Variants in PDE10A observed in about 807,000 individuals in gnomAD.
PDE10A encodes phosphodiesterase 10A.
PDE10A carries 39 observed loss-of-function variants against 97.7 expected under a neutral mutation model. The observed-to-expected ratio is 0.40, with a 90% CI of 0.31 to 0.52. PDE10A has a LOEUF of 0.52. Among genes scored for constraint, PDE10A ranks in the 20% least tolerant of loss-of-function variants. The pLI, the probability that PDE10A is intolerant of heterozygous loss-of-function variation, is 0.56. For synonymous variants in PDE10A, 371 were observed against 376.8 expected, an observed-to-expected ratio of 0.98 and a Z score of 0.18; for missense variants, 731 against 1,047.8, an observed-to-expected ratio of 0.70 and a Z score of 4.17.
At chr6:165,337,392 A>G (rs2128176242) in intron 20 of PDE10A, among the ~76,000 whole-genome samples, 1 of 152,354 alleles carries the variant, frequency 6.6e-6, no homozygotes, top group South Asian at 2.1e-4. Flanking sequence ...ATCGAAGCAT[A>G]CAGAAGGATC....
chr6:165,548,276 CTTTTTTT>C (rs57134252), intron 1 of PDE10A, among the ~76,000 whole-genome samples: 4,273 of 105,582 alleles, frequency 0.04, 85 homozygotes, highest in Non-Finnish European at 0.048. Flanking sequence ...CTTTAAATCT[CTTTTTTT>C]TTTTTTTTTT....
At chr6:165,834,262 G>A (rs1780010041) in intron 1 of PDE10A, among the ~76,000 whole-genome samples, 1 of 152,188 alleles carries the variant, frequency 6.6e-6, no homozygotes. Context: ...CAGATGCTGG[G>A]TAGACTAACA....
chr6:165,568,002 T>TTTC (rs1784863366), intron 1 of PDE10A, among the ~76,000 whole-genome samples: 1 of 141,586 alleles, frequency 7.1e-6, no homozygotes, highest in East Asian at 2.1e-4. Context: ...GCATTTTTTT[T>TTTC]TTTTTTTTTT....
At chr6:165,885,355 A>AG (rs1781600269) in intron 1 of PDE10A, among the ~76,000 whole-genome samples, 1 of 152,174 alleles carries the variant, frequency 6.6e-6, no homozygotes, top group African/African-American at 2.4e-5. Context: ...AGAGAAGCAA[A>AG]GGAGAAGCGC....
intron 1 of PDE10A, among the ~76,000 whole-genome samples, chr6:165,857,151 G>A (rs968931175): frequency 6.6e-6 from 1 of 152,184 alleles, no homozygotes; most frequent in Non-Finnish European, 1.5e-5. Flanking sequence ...TTACCACCAA[G>A]AGAATGCTTA....
chr6:165,679,958 T>C (rs979678779), intron 1 of PDE10A, among the ~76,000 whole-genome samples: 1 of 152,018 alleles, frequency 6.6e-6, no homozygotes, highest in Non-Finnish European at 1.5e-5. Flanking sequence ...GTATTTGGGG[T>C]ACCTATGGTG....
Position 165,329,673 on chromosome 6 carries a change from GAAAA to G in PDE10A, c.*3348_*3351del, listed in dbSNP as rs1220134743. ...AAAATTAACTGAGATTTTACAAAATGAAAAAAAATCTAAAAAGCATGCCAAAAAA... is the reference window on the plus strand; with the variant it reads ...AAAATTAACTGAGATTTTACAAAATGAAAATCTAAAAAGCATGCCAAAAAA... On this transcript the variant is annotated 3_prime_UTR_variant, in exon 22 of 22. Coordinates refer to ENST00000539869, the MANE Select transcript of PDE10A (RefSeq NM_001385079.1). The G allele has an allele frequency of 1.3e-5, 2 of 151,650 alleles. No individual in the cohort carries two copies. The highest frequency in any genetic ancestry group is 2.9e-5 in the Non-Finnish European group (2 of 67,866). 9.4% of individuals were successfully genotyped at this position (151,650 alleles called of 1,614,324 possible).
chr6:165,773,524 C>A (rs1778074536), intron 1 of PDE10A, among the ~76,000 whole-genome samples: 1 of 152,108 alleles, frequency 6.6e-6, no homozygotes, highest in Non-Finnish European at 1.5e-5. Flanking sequence ...TTTCTTTCCA[C>A]AAAACAAATT....
chr6:165,465,276 A>G (rs1343685685), intron 3 of PDE10A, among the ~76,000 whole-genome samples: 3 of 152,234 alleles, frequency 2.0e-5, no homozygotes, highest in African/African-American at 7.2e-5. Flanking sequence ...ATAGGTGGAA[A>G]AGCTTGGGGG....
chr6:165,514,499 G>A (rs1292232113), intron 2 of PDE10A, among the ~76,000 whole-genome samples: 1 of 152,184 alleles, frequency 6.6e-6, no homozygotes, highest in Non-Finnish European at 1.5e-5. Context: ...CCCTTTCCAA[G>A]GAGTGACCAC....
intron 1 of PDE10A, among the ~76,000 whole-genome samples, chr6:165,839,832 G>T (rs12173728): frequency 7.7e-6 from 1 of 130,668 alleles, no homozygotes; most frequent in African/African-American, 2.8e-5. Context: ...CTCCAATCTC[G>T]TCTCCATTCT....
intron 1 of PDE10A, among the ~76,000 whole-genome samples, chr6:165,826,279 T>G (rs983050230): frequency 7.4e-6 from 1 of 134,530 alleles, no homozygotes. Flanking sequence ...TCTGACTCGA[T>G]GTCCCTCTGT....
At chr6:165,695,116 A>C (rs1025788096) in intron 1 of PDE10A, among the ~76,000 whole-genome samples, 1 of 152,080 alleles carries the variant, frequency 6.6e-6, no homozygotes, top group African/African-American at 2.4e-5. Flanking sequence ...AATATGCATA[A>C]TATTAACAGT....
chr6:165,552,460 A>G (rs1315163587), intron 1 of PDE10A, among the ~76,000 whole-genome samples: 1 of 152,218 alleles, frequency 6.6e-6, no homozygotes, highest in African/African-American at 2.4e-5. Flanking sequence ...ATATGGGTTC[A>G]TGCTGAACAC....
chr6:165,393,216 C>T (rs1309784353), intron 15 of PDE10A, among the ~76,000 whole-genome samples: 5 of 152,082 alleles, frequency 3.3e-5, no homozygotes, highest in Non-Finnish European at 7.4e-5. Context: ...TTCAGACTTG[C>T]AAACTGCAAA....
intron 1 of PDE10A, among the ~76,000 whole-genome samples, chr6:165,963,116 T>C (rs561346484): frequency 6.0e-4 from 92 of 152,304 alleles, no homozygotes; most frequent in Middle Eastern, 3.4e-3. Context: ...ACCTTTTCCA[T>C]CCTTTGAAAT....
At chr6:165,825,205 TG>T (rs1395284856) in intron 1 of PDE10A, among the ~76,000 whole-genome samples, 1 of 151,012 alleles carries the variant, frequency 6.6e-6, no homozygotes, top group Non-Finnish European at 1.5e-5. Flanking sequence ...TTAAAGGGTT[TG>T]GGGTGAGCTC....
intron 12 of PDE10A, among the ~76,000 whole-genome samples, chr6:165,415,733 G>T (rs1161285879): frequency 3.9e-5 from 6 of 152,166 alleles, no homozygotes; most frequent in Non-Finnish European, 8.8e-5. Context: ...GAGAGATTAA[G>T]TAACTTATGC....
intron 1 of PDE10A, among the ~76,000 whole-genome samples, chr6:165,758,321 C>T (rs977224167): frequency 1.1e-4 from 16 of 151,928 alleles, no homozygotes; most frequent in East Asian, 3.9e-4. Flanking sequence ...ATTAGCCAGG[C>T]GTTCTGGCGC....
Sources: gnomAD v4.1 joint callset for allele counts (sites outside exome capture counted in the v4.1 genomes callset) on GRCh38, gnomAD v4.1.1 for gene constraint, MANE v1.5 for transcripts, NCBI Gene and HGNC (gene_info 2026-07-23, HGNC 2026-07-21) for gene names.